Variants in ABLIM1 observed in about 807,000 individuals in gnomAD.
ABLIM1 encodes the protein actin-binding LIM protein 1.
ABLIM1 carries 40 observed loss-of-function variants against 107.0 expected under a neutral mutation model. The ratio of observed to expected loss-of-function variants is 0.37; its 90% CI spans 0.29 to 0.49. The LOEUF is 0.49. Ranked by LOEUF, ABLIM1 falls within the 20% of genes least tolerant of loss-of-function variation. The probability of loss-of-function intolerance (pLI) is 0.97; values close to 1 mark genes in which losing one functional copy is unlikely to be tolerated. For missense variants in ABLIM1, 857 were observed against 1,008.5 expected, an observed-to-expected ratio of 0.85 and a Z score of 2.04; for synonymous variants, 357 against 357.3, an observed-to-expected ratio of 1.00 and a Z score of 0.01.
At chr10:114,566,733 T>C (rs1226155856) in intron 4 of ABLIM1, among the ~76,000 whole-genome samples, 1 of 152,204 alleles carries the variant, frequency 6.6e-6, no homozygotes, top group Admixed American at 6.5e-5. Context: ...TCACTGAAGT[T>C]GTTTGCGTCT....
intron 1 of ABLIM1, among the ~76,000 whole-genome samples, chr10:114,671,411 T>C (rs968714905): frequency 2.0e-5 from 3 of 152,214 alleles, no homozygotes; most frequent in Non-Finnish European, 4.4e-5. Context: ...ACTGTACATG[T>C]CCATTGGTGG....
At chr10:114,468,916 G>A (rs1260062301) in intron 10 of ABLIM1, among the ~76,000 whole-genome samples, 1 of 152,022 alleles carries the variant, frequency 6.6e-6, no homozygotes, top group Non-Finnish European at 1.5e-5. Flanking sequence ...GCCAGGCGCG[G>A]TGGCGGGCGC....
chr10:114,576,439 T>G lies in ABLIM1; in HGVS notation c.380-840A>C, dbSNP rs1410662828. Among the ~76,000 whole-genome samples the G allele has an allele frequency of 2.6e-5, 4 of 152,370 alleles. No individual in the cohort carries two copies. In the East Asian group the frequency reaches 7.7e-4, roughly 29 times the overall value. ...TGGAAATCTCTGACCCTAACCTTGC[T>G]ATCCCCAAGGTCAACTGATTCCAAT... On this transcript the variant is annotated intron_variant, in intron 2 of 22. Coordinates refer to ENST00000533213, the MANE Select transcript of ABLIM1 (RefSeq NM_002313.7).
At chr10:114,642,183 T>C (rs771558107) in intron 1 of ABLIM1, among the ~76,000 whole-genome samples, 4 of 152,142 alleles carry the variant, frequency 2.6e-5, no homozygotes, top group Non-Finnish European at 4.4e-5. Context: ...GTGAGCCCAC[T>C]GCACCCAGTG....
At chr10:114,678,774 A>C (rs1295320862) in intron 1 of ABLIM1, among the ~76,000 whole-genome samples, 4 of 152,058 alleles carry the variant, frequency 2.6e-5, no homozygotes, top group South Asian at 4.2e-4. Flanking sequence ...CATTTCCTTG[A>C]GTTTGTTAGA....
intron 1 of ABLIM1, among the ~76,000 whole-genome samples, chr10:114,656,557 G>A (rs1322580823): frequency 6.6e-6 from 1 of 151,710 alleles, no homozygotes; most frequent in Non-Finnish European, 1.5e-5. Context: ...AGCCACCCTC[G>A]AACCTTGTTA....
At chr10:114,450,431 CTTTCTTTTT>C (rs1156416380) in intron 14 of ABLIM1, among the ~76,000 whole-genome samples, 3 of 136,410 alleles carry the variant, frequency 2.2e-5, no homozygotes, top group African/African-American at 5.8e-5. Flanking sequence ...TTCTTTCTTT[CTTTCTTTTT>C]TTTTTTTTTT....
chr10:114,641,485 C>T (rs751794206), intron 1 of ABLIM1, among the ~76,000 whole-genome samples: 1 of 152,076 alleles, frequency 6.6e-6, no homozygotes, highest in Non-Finnish European at 1.5e-5. Context: ...TAATAAACTA[C>T]ATGAGTAATG....
At chr10:114,666,664 C>G (rs10444097) in intron 1 of ABLIM1, among the ~76,000 whole-genome samples, 1 of 151,876 alleles carries the variant, frequency 6.6e-6, no homozygotes, top group South Asian at 2.1e-4. Context: ...AAAACAGATA[C>G]AAGAATATCT....
chr10:114,459,240 A>T (rs889256104), intron 12 of ABLIM1, among the ~76,000 whole-genome samples: 1 of 152,172 alleles, frequency 6.6e-6, no homozygotes, highest in Non-Finnish European at 1.5e-5. Flanking sequence ...CACATCCATT[A>T]AAAACAAAAC....
At chr10:114,487,894 A>G in intron 8 of ABLIM1, 64 bp downstream of exon 8, 1 of 1,581,312 alleles carries the variant, frequency 6.3e-7, no homozygotes, top group East Asian at 2.2e-5. Context: ...AGCCCCAAGA[A>G]TTAGTGACCA....
chr10:114,801,354 T>C, the ABLIM1 span, among the ~76,000 whole-genome samples: 1 of 152,196 alleles, frequency 6.6e-6, no homozygotes, highest in African/African-American at 2.4e-5. Flanking sequence ...CATCTTTACA[T>C]TGAGTACGCG....
chr10:114,465,811 C>A lies in ABLIM1; in HGVS notation c.1328G>T (p.Arg443Leu). 6.2e-7 allele frequency: 1 copy of A among 1,614,080 alleles called. No homozygotes were observed. Among genetic ancestry groups the A allele is most frequent in the African/African-American group, 1.3e-5 (1 of 75,012 alleles). ...CGTGGACCGATGGATCATCCGATCC[C>A]GAACATCCTGGTACCCCTGGAAACA... ...TPSAEGYQDVRDRMIHRSTSQ... is the reference protein window; with the variant it reads ...TPSAEGYQDVLDRMIHRSTSQ... Residue 443 changes from arginine (R) to leucine (L), a missense_variant, in exon 12 of 23, where the codon CGG becomes CTG. Arg to Leu is a moderately radical substitution (Grantham distance 102, BLOSUM62 -2). Around this residue, in one of 5 missense-constraint regions of ABLIM1, gnomAD observed 381 missense variants for 506.9 expected, o/e 0.75. Transcript: ENST00000533213.
In ABLIM1 at chr10:114,434,145, G is replaced by A. The variant is rs2059134837; in HGVS notation, c.*2115C>T. The A allele has an allele frequency of 1.3e-5, 2 of 152,260 alleles. No individual in the cohort carries two copies. The highest frequency in any genetic ancestry group is 4.1e-4 in the South Asian group (2 of 4,824). 9.4% of individuals were successfully genotyped at this position (152,260 alleles called of 1,614,324 possible). A position where few individuals can be genotyped will look rare whatever the true frequency, so the allele number is the denominator to read the frequency against. On this transcript the variant is annotated 3_prime_UTR_variant, in exon 23 of 23. Coordinates refer to ENST00000533213, the MANE Select transcript of ABLIM1 (RefSeq NM_002313.7). ...AGAGAGGATGGGATAGAAAAAGCAT[G>A]GAATAAGCAAGAAGCCACTGAGACA...
intron 6 of ABLIM1, among the ~76,000 whole-genome samples, chr10:114,533,455 C>G (rs908719509): frequency 1.3e-5 from 2 of 152,124 alleles, no homozygotes; most frequent in Non-Finnish European, 2.9e-5. Flanking sequence ...TGCTTAAAAT[C>G]AAAGAAACAA....
chr10:114,489,131 C>T (rs2058591627), intron 7 of ABLIM1, among the ~76,000 whole-genome samples: 2 of 152,120 alleles, frequency 1.3e-5, no homozygotes, highest in African/African-American at 4.8e-5. Flanking sequence ...GATTCTCCTG[C>T]CTCAGCCTCC....
intron 1 of ABLIM1, among the ~76,000 whole-genome samples, chr10:114,677,007 G>A (rs2080516167): frequency 6.6e-6 from 1 of 152,148 alleles, no homozygotes; most frequent in Non-Finnish European, 1.5e-5. Flanking sequence ...AAAGTGCTGG[G>A]ATTACAGGCA....
At chr10:114,565,059 T>A (rs995840519) in intron 4 of ABLIM1, among the ~76,000 whole-genome samples, 14 of 152,190 alleles carry the variant, frequency 9.2e-5, no homozygotes, top group African/African-American at 3.4e-4. Context: ...AGGTCACATA[T>A]CCTTTAAGTG....
chr10:114,795,632 A>G, the ABLIM1 span, among the ~76,000 whole-genome samples: 12 of 151,812 alleles, frequency 7.9e-5, no homozygotes, highest in African/African-American at 2.2e-4. Flanking sequence ...TTGCTTGAAC[A>G]CGGGAGGCAA....
Sources: allele counts gnomAD v4.1 joint callset (sites outside exome capture counted in the v4.1 genomes callset), GRCh38; gene constraint gnomAD v4.1.1; regional missense constraint gnomAD v4.1.1; transcripts MANE v1.5; gene names NCBI Gene and HGNC (gene_info 2026-07-23, HGNC 2026-07-21).